The following CRPPA variants were observed in gnomAD, a reference collection of about 807,000 sequenced individuals.
CRPPA encodes CDP-L-ribitol pyrophosphorylase A.
Under a neutral mutation model 52.0 loss-of-function variants are expected in CRPPA, and 43 were observed. The ratio of observed to expected loss-of-function variants is 0.83; its 90% CI spans 0.65 to 1.07. The LOEUF (loss-of-function observed/expected upper bound fraction) is 1.07. Among genes scored for constraint, CRPPA ranks in the 50% least tolerant of loss-of-function variants. CRPPA has a pLI of 0.00. For synonymous variants in CRPPA, 250 were observed against 203.5 expected (o/e 1.23, Z -1.94); for missense variants, 629 against 551.7 (o/e 1.14, Z -1.40).
chr7:16,267,258 G>T (rs995317035), intron 6 of CRPPA, among the ~76,000 whole-genome samples: 4 of 152,294 alleles, frequency 2.6e-5, no homozygotes, highest in Admixed American at 2.0e-4. Context: ...CTGCCCTTAA[G>T]AAGTTTATAG....
intron 9 of CRPPA, among the ~76,000 whole-genome samples, chr7:16,111,988 T>C (rs1782273868): frequency 6.6e-6 from 1 of 152,188 alleles, no homozygotes; most frequent in Admixed American, 6.6e-5. Flanking sequence ...TCATATTGTA[T>C]TCATAAATTA....
At chr7:16,095,113 T>C (rs558638999) in intron 9 of CRPPA, among the ~76,000 whole-genome samples, 1 of 152,290 alleles carries the variant, frequency 6.6e-6, no homozygotes, top group Non-Finnish European at 1.5e-5. Flanking sequence ...TGTCTGTATA[T>C]CTATAAACTG....
intron 9 of CRPPA, among the ~76,000 whole-genome samples, chr7:16,113,300 G>A (rs1318309914): frequency 6.6e-6 from 1 of 151,942 alleles, no homozygotes; most frequent in Non-Finnish European, 1.5e-5. Flanking sequence ...CAATGAAATG[G>A]AAAACAGAGT....
intron 8 of CRPPA, among the ~76,000 whole-genome samples, chr7:16,244,612 T>C (rs1176933641): frequency 6.6e-6 from 1 of 152,200 alleles, no homozygotes; most frequent in African/African-American, 2.4e-5. Context: ...CCCACCTAAG[T>C]TGACATTCAG....
chr7:16,310,833 G>A (rs914523202), intron 3 of CRPPA, among the ~76,000 whole-genome samples: 45 of 151,854 alleles, frequency 3.0e-4, no homozygotes, highest in Admixed American at 1.2e-3. Context: ...CAAATGAGTT[G>A]GGACTTCATA....
chr7:16,324,799 T>A lies in CRPPA; in HGVS notation c.685-16172A>T, dbSNP rs186854071. Among the ~76,000 whole-genome samples the A allele has an allele frequency of 3.6e-3, 547 of 152,334 alleles. 4 individuals are homozygous for A. The highest frequency in any genetic ancestry group is 0.012 in the African/African-American group (514 of 41,572). ...GATACCCAAAACATGGAGTCTGCAA[T>A]CTTTGACTAAATTTATCCACTTTTG... On this transcript the variant is annotated intron_variant, in intron 3 of 9. Coordinates refer to ENST00000407010, the MANE Select transcript of CRPPA (RefSeq NM_001101426.4).
chr7:16,215,977 A>G (rs4389828), intron 9 of CRPPA, 89 bp downstream of exon 9: 1 of 1,040,410 alleles, frequency 9.6e-7, no homozygotes, highest in Non-Finnish European at 1.4e-6. Context: ...TCACTTATCA[A>G]TAATATCCTC....
Position 16,152,817 on chromosome 7 carries a change from A to C in CRPPA, c.1252-61018T>G, listed in dbSNP as rs191989985. ...TAGCACCAATACAATGAACTCAAAA[A>C]TCCTGTAATATATAAAGTTCTCAAA... On this transcript the variant is annotated intron_variant, in intron 9 of 9. Transcript: ENST00000407010. Among the ~76,000 whole-genome samples the C allele has an allele frequency of 4.1e-4, 63 of 152,148 alleles. 1 individual carries two copies. In the East Asian group the frequency reaches 0.012, roughly 29 times the overall value.
intron 1 of CRPPA, among the ~76,000 whole-genome samples, chr7:16,418,966 G>C (rs779156861): frequency 7.1e-4 from 108 of 152,188 alleles, no homozygotes; most frequent in South Asian, 8.3e-4. Flanking sequence ...TTACCACGCA[G>C]ATAAAGATCC....
intron 3 of CRPPA, among the ~76,000 whole-genome samples, chr7:16,316,682 C>A (rs906362615): frequency 1.3e-5 from 2 of 151,976 alleles, no homozygotes; most frequent in African/African-American, 4.8e-5. Context: ...GGCAACAAAG[C>A]GATTCTCTAC....
intron 2 of CRPPA, among the ~76,000 whole-genome samples, chr7:16,388,579 A>T (rs1787355702): frequency 6.6e-6 from 1 of 152,226 alleles, no homozygotes; most frequent in Non-Finnish European, 1.5e-5. Flanking sequence ...GTTCTCTTAT[A>T]AAATAACAGT....
intron 9 of CRPPA, among the ~76,000 whole-genome samples, chr7:16,108,538 T>G (rs980099476): frequency 6.6e-6 from 1 of 151,824 alleles, no homozygotes; most frequent in African/African-American, 2.4e-5. Flanking sequence ...CTTTCAACAA[T>G]GAAAAGATCA....
At chr7:16,278,671 A>T (rs1295126) in intron 5 of CRPPA, among the ~76,000 whole-genome samples, 1 of 152,192 alleles carries the variant, frequency 6.6e-6, no homozygotes, top group Non-Finnish European at 1.5e-5. Context: ...GGTTAAGTAC[A>T]TTGTGTTCCT....
At chr7:16,177,036 AG>A (rs1781316068) in intron 9 of CRPPA, among the ~76,000 whole-genome samples, 1 of 152,298 alleles carries the variant, frequency 6.6e-6, no homozygotes, top group South Asian at 2.1e-4. Flanking sequence ...AAGTGAAAAA[AG>A]TGAGACTCAA....
At chr7:16,303,525 G>C (rs1480465035) in intron 4 of CRPPA, among the ~76,000 whole-genome samples, 3 of 124,272 alleles carry the variant, frequency 2.4e-5, no homozygotes, top group Non-Finnish European at 4.9e-5. Flanking sequence ...CAGCCAGTTG[G>C]CCACTATCTC....
chr7:16,358,083 T>A (rs997873956), intron 3 of CRPPA, among the ~76,000 whole-genome samples: 5 of 152,070 alleles, frequency 3.3e-5, no homozygotes, highest in Admixed American at 3.3e-4. Context: ...AGGACTGGCA[T>A]GCAGGAAAAT....
chr7:16,339,053 C>T (rs1214265014), intron 3 of CRPPA, among the ~76,000 whole-genome samples: 1 of 152,006 alleles, frequency 6.6e-6, no homozygotes, highest in Non-Finnish European at 1.5e-5. Flanking sequence ...GATCCGCCCG[C>T]CTCGGCCTCC....
chr7:16,182,051 TA>T (rs1431623935), intron 9 of CRPPA, among the ~76,000 whole-genome samples: 2 of 152,022 alleles, frequency 1.3e-5, no homozygotes, highest in Non-Finnish European at 2.9e-5. Context: ...GAAAGGTTAG[TA>T]AATATTTACC....
intron 9 of CRPPA, among the ~76,000 whole-genome samples, chr7:16,122,202 G>A (rs867953628): frequency 7.9e-5 from 12 of 151,956 alleles, no homozygotes; most frequent in African/African-American, 2.9e-4. Context: ...AGGAAAAGAA[G>A]GGCTAGGGCT....
Sources: allele counts gnomAD v4.1 joint callset (sites outside exome capture counted in the v4.1 genomes callset), GRCh38; gene constraint gnomAD v4.1.1; transcripts MANE v1.5; gene names NCBI Gene and HGNC (gene_info 2026-07-23, HGNC 2026-07-21).